Variants in MYOM2 observed in about 807,000 individuals in gnomAD.
MYOM2 encodes the protein myomesin-2.
Under a neutral mutation model 187.6 loss-of-function variants are expected in MYOM2, and 254 were observed. The ratio of observed to expected loss-of-function variants is 1.35; its 90% confidence interval spans 1.22 to 1.50. MYOM2 has a LOEUF of 1.50. Among genes scored for constraint, MYOM2 ranks in the 40% most tolerant of loss-of-function variants. The pLI is 0.00. For missense variants in MYOM2, 2,796 were observed against 1,924.0 expected (o/e 1.45, Z -8.48); for synonymous variants, 981 against 753.8 (o/e 1.30, Z -4.94).
chr8:2,046,586 A>T (rs1358869504), intron 1 of MYOM2, among the ~76,000 whole-genome samples: 1 of 152,048 alleles, frequency 6.6e-6, no homozygotes, highest in Non-Finnish European at 1.5e-5. Context: ...CTGCCACCTC[A>T]CTCAGCCCCC....
At position 2,112,431 on chromosome 8, in the gene MYOM2, G is replaced by A. The variant is rs1307135764; in HGVS notation, c.3180+2900G>A. Among the ~76,000 whole-genome samples, 10 of 152,058 alleles carry A rather than the reference G, an allele frequency of 6.6e-5. 1 individual carries two copies. Among genetic ancestry groups the A allele is most frequent in the African/African-American group, 1.7e-4 (7 of 41,474 alleles). The stretch of plus-strand genomic sequence containing the variant: ...GGGTCAGGGATGGGAGGGAGAGAAT[G>A]AGACATTCCAAGCCGCTCTAGTGCA... On this transcript the variant is annotated intron_variant, in intron 25 of 36. Coordinates refer to ENST00000262113, the MANE Select transcript of MYOM2 (RefSeq NM_003970.4).
At chr8:2,094,735 T>A (rs1173543782) in intron 17 of MYOM2, among the ~76,000 whole-genome samples, 2 of 152,258 alleles carry the variant, frequency 1.3e-5, no homozygotes, top group South Asian at 4.1e-4. Context: ...CCTTTTTAGC[T>A]GTTCTCAGTT....
chr8:2,102,787 G>T lies in MYOM2; in HGVS notation c.2734+6G>T, dbSNP rs774366302. Reference sequence around the variant, plus strand: ...GCTGGTAGAGGCGAGACCAGGTAAGGCTTACAACAAAAACTACAAAACAGC... The same window carrying T: ...GCTGGTAGAGGCGAGACCAGGTAAGTCTTACAACAAAAACTACAAAACAGC... On this transcript the variant is annotated splice_donor_region_variant and intron_variant, in intron 21 of 36. Transcript: ENST00000262113. The T allele has an allele frequency of 9.2e-5, 148 of 1,607,214 alleles. No homozygotes were observed. Among genetic ancestry groups the T allele is most frequent in the Non-Finnish European group, 1.2e-4 (144 of 1,174,318 alleles).
chr8:2,052,372 C>T (rs541337080), intron 3 of MYOM2, 59 bp downstream of exon 3: 1 of 1,515,736 alleles, frequency 6.6e-7, no homozygotes, highest in African/African-American at 1.4e-5. Flanking sequence ...AGTGGAGGGA[C>T]AGTGGGGTGA....
Position 2,079,598 on chromosome 8 carries a change from C to G in MYOM2, c.1501C>G (p.Gln501Glu), listed in dbSNP as rs1474471893. Residue 501 changes from glutamine to glutamate, a missense_variant, in exon 13 of 37, where the codon CAG becomes GAG. By Grantham distance (29) the Gln-to-Glu change is conservative. Transcript: ENST00000262113. ...GGGAGAGAAGGAGATTGCCATTTATCAGGATGACCTTGAAGGTAAGTAGCA... is the reference window on the plus strand; with the variant it reads ...GGGAGAGAAGGAGATTGCCATTTATGAGGATGACCTTGAAGGTAAGTAGCA... ...LEGEKEIAIY[Q>E]DDLEGDAQVP... 3 of 1,614,000 alleles carry G rather than the reference C, an allele frequency of 1.9e-6. No individual in the cohort carries two copies. The highest frequency in any genetic ancestry group is 2.7e-5 in the African/African-American group (2 of 74,902).
chr8:2,120,732 TG>T (rs1797424221), intron 28 of MYOM2, among the ~76,000 whole-genome samples: 1 of 107,008 alleles, frequency 9.3e-6, no homozygotes, highest in Non-Finnish European at 1.9e-5. Flanking sequence ...AATTGCTTAC[TG>T]TCTCTTAAAT....
chr8:2,056,210 G>C (rs552217403), intron 3 of MYOM2, among the ~76,000 whole-genome samples: 1 of 152,346 alleles, frequency 6.6e-6, no homozygotes, highest in East Asian at 1.9e-4. Context: ...GAGAGGATTA[G>C]GGATGGCTCC....
chr8:2,069,296 T>G lies in MYOM2; in HGVS notation c.672T>G (p.Thr224=). ...LEINRADFDD[T]ATYSAVATNA... Reference sequence around the variant, plus strand: ...CTCCAAGGGCAGACTTTGACGACACTGCGACATACTCAGCAGTGGCCACCA... The same window carrying G: ...CTCCAAGGGCAGACTTTGACGACACGGCGACATACTCAGCAGTGGCCACCA... Residue 224 remains threonine (T), a synonymous_variant, in exon 7 of 37, where the codon ACT becomes ACG. Coordinates refer to ENST00000262113, the MANE Select transcript of MYOM2 (RefSeq NM_003970.4). 6.2e-7 allele frequency: 1 copy of G among 1,612,678 alleles called. No homozygotes were observed. The highest frequency in any genetic ancestry group is 8.5e-7 in the Non-Finnish European group (1 of 1,179,368).
rs1797365023 is a variant in MYOM2, at chr8:2,119,767, A to G, written c.3453+1815A>G. Among the ~76,000 whole-genome samples, 5 of 152,066 alleles carry G rather than the reference A, an allele frequency of 3.3e-5. No individual in the cohort carries two copies. In the South Asian group the frequency reaches 1.0e-3, roughly 32 times the overall value. ...CTCACAGGTGAAGGAAGGGGAGCAC[A>G]TGGGGACACAGGAGGGGCAGTGCTG... On this transcript the variant is annotated intron_variant, in intron 28 of 36. Coordinates refer to ENST00000262113, the MANE Select transcript of MYOM2 (RefSeq NM_003970.4).
chr8:2,122,302 A>T (rs940883060), intron 28 of MYOM2, among the ~76,000 whole-genome samples: 2 of 152,238 alleles, frequency 1.3e-5, no homozygotes, highest in African/African-American at 4.8e-5. Flanking sequence ...TTTGCAGCTC[A>T]GTGGGATACC....
chr8:2,062,569 G>A (rs1818886223), intron 6 of MYOM2, among the ~76,000 whole-genome samples: 1 of 152,192 alleles, frequency 6.6e-6, no homozygotes, highest in African/African-American at 2.4e-5. Flanking sequence ...GTTAGGCACA[G>A]GCTGCAAAGG....
intron 32 of MYOM2, among the ~76,000 whole-genome samples, chr8:2,136,681 A>G (rs1328487049): frequency 6.6e-6 from 1 of 152,214 alleles, no homozygotes; most frequent in Non-Finnish European, 1.5e-5. Context: ...CAATTACACC[A>G]AAGTCAGGAG....
chr8:2,079,832 A>T (rs1819561280), intron 13 of MYOM2, among the ~76,000 whole-genome samples: 1 of 152,206 alleles, frequency 6.6e-6, no homozygotes, highest in Non-Finnish European at 1.5e-5. Context: ...AGGGTGAAGG[A>T]TTGGTGACTC....
Position 2,086,360 on chromosome 8 carries a change from TC to T in MYOM2, c.1644+973del, listed in dbSNP as rs1215909669. On this transcript the variant is annotated intron_variant, in intron 14 of 36. Coordinates refer to ENST00000262113, the MANE Select transcript of MYOM2 (RefSeq NM_003970.4). ...CCACTGTTGTGATCTCTGCGTGGCC[TC>T]CCACTGTTGTGATCTCTGCGTGGCC... 1.1e-3 allele frequency among the ~76,000 whole-genome samples: 3 copies of T among 2,730 alleles called. 1 individual carries two copies. The highest frequency in any genetic ancestry group is 3.8e-3 in the African/African-American group (3 of 794). The allele number at this position is 2,730 out of a possible 152,430, so 1.8% of individuals were successfully genotyped here.
At position 2,085,284 on chromosome 8, in the gene MYOM2, C is replaced by T; in HGVS notation, c.1538C>T (p.Pro513Leu). The T allele has an allele frequency of 6.2e-7, 1 of 1,614,120 alleles. No homozygotes were observed. Among genetic ancestry groups the T allele is most frequent in the South Asian group, 1.1e-5 (1 of 91,072 alleles). The change falls in exon 14 of 37, where the codon CCT (proline) becomes CTT (leucine). Residue 513 changes from proline (P) to leucine (L), a missense_variant. Physicochemically the swap from Pro to Leu is moderately conservative, Grantham distance 98 (BLOSUM62 -3). Transcript: ENST00000262113. ...DLEGDAQVPG[P>L]PTGVHASEIS... is the part of the protein sequence containing the mutation. ...CCAGGTGACGCCCAGGTTCCAGGGC[C>T]TCCCACCGGTGTGCACGCTTCCGAG...
At chr8:2,074,456 T>C (rs1168864875) in intron 10 of MYOM2, among the ~76,000 whole-genome samples, 4 of 151,996 alleles carry the variant, frequency 2.6e-5, no homozygotes, top group African/African-American at 9.7e-5. Context: ...TCCTCCTTTT[T>C]TTTTAGTTTT....
intron 5 of MYOM2, 63 bp downstream of exon 5, chr8:2,057,843 CA>C (rs1818723073): frequency 5.8e-6 from 9 of 1,561,592 alleles, no homozygotes; most frequent in Non-Finnish European, 7.8e-6. Context: ...AGAAAGACCC[CA>C]GTTAAGGAGA....
intron 14 of MYOM2, among the ~76,000 whole-genome samples, chr8:2,086,285 TGTCGTGATCTCCGCGTGGCCCCCCACA>T (rs1796041872): frequency 7.0e-6 from 1 of 143,628 alleles, no homozygotes; most frequent in Non-Finnish European, 1.5e-5. Context: ...GGCACCCCAC[TGTCGTGATCTCCGCGTGGCCCCCCACA>T]GTCGTGATCT....
intron 1 of MYOM2, among the ~76,000 whole-genome samples, chr8:2,049,915 C>T (rs1313015225): frequency 1.3e-5 from 2 of 152,158 alleles, no homozygotes; most frequent in Non-Finnish European, 2.9e-5. Flanking sequence ...CATCCACACT[C>T]TCGAATTTCC....
Sources: allele counts gnomAD v4.1 joint callset (sites outside exome capture counted in the v4.1 genomes callset), GRCh38; gene constraint gnomAD v4.1.1; transcripts MANE v1.5; gene names NCBI Gene and HGNC (gene_info 2026-07-23, HGNC 2026-07-21).